The following PRKN variants were observed in gnomAD, a reference collection of about 807,000 sequenced individuals.
PRKN encodes E3 ubiquitin-protein ligase parkin.
A neutral mutation model predicts 59.5 loss-of-function variants in PRKN; 56 were observed. The observed-to-expected ratio is 0.94, with a 90% CI of 0.76 to 1.18. PRKN has a LOEUF of 1.18. Among genes scored for constraint, PRKN ranks in the 50% most tolerant of loss-of-function variants. PRKN has a pLI of 0.00. For missense variants in PRKN, 657 were observed against 596.4 expected, an observed-to-expected ratio of 1.10 and a Z score of -1.06; for synonymous variants, 250 against 222.1, an observed-to-expected ratio of 1.13 and a Z score of -1.12.
chr6:162,403,658 C>T (rs547242583), intron 2 of PRKN, among the ~76,000 whole-genome samples: 2 of 152,192 alleles, frequency 1.3e-5, no homozygotes, highest in East Asian at 1.9e-4. Flanking sequence ...GAATCATCAC[C>T]GTATTCCTGG....
At chr6:162,353,456 A>C (rs1437988629) in intron 2 of PRKN, among the ~76,000 whole-genome samples, 3 of 152,154 alleles carry the variant, frequency 2.0e-5, no homozygotes, top group Non-Finnish European at 4.4e-5. Flanking sequence ...ACATAAAATA[A>C]ATGTTAAATG....
At chr6:162,127,216 C>T (rs536038942) in intron 4 of PRKN, among the ~76,000 whole-genome samples, 6 of 152,316 alleles carry the variant, frequency 3.9e-5, no homozygotes, top group South Asian at 2.1e-4. Context: ...AGGCAAGGCA[C>T]GCTGCCGCTG....
At chr6:162,595,745 C>A (rs554394615) in intron 1 of PRKN, among the ~76,000 whole-genome samples, 3 of 152,148 alleles carry the variant, frequency 2.0e-5, no homozygotes, top group Non-Finnish European at 4.4e-5. Flanking sequence ...TAAGGTTGAA[C>A]ATGTGTTCCT....
intron 4 of PRKN, among the ~76,000 whole-genome samples, chr6:162,070,735 C>T (rs548210798): frequency 6.6e-6 from 1 of 152,272 alleles, no homozygotes; most frequent in East Asian, 1.9e-4. Context: ...CTAGATCCCC[C>T]ACATGCACAG....
intron 4 of PRKN, among the ~76,000 whole-genome samples, chr6:162,088,911 C>T (rs965420030): frequency 7.2e-5 from 11 of 152,050 alleles, no homozygotes; most frequent in African/African-American, 2.7e-4. Flanking sequence ...AAAATTAAGT[C>T]AAAATGGATA....
intron 3 of PRKN, among the ~76,000 whole-genome samples, chr6:162,250,184 TA>T (rs2128095486): frequency 2.1e-5 from 3 of 141,902 alleles, no homozygotes; most frequent in African/African-American, 8.0e-5. Flanking sequence ...TGATTATTTA[TA>T]AGGGGGGGGG....
chr6:161,879,164 GA>G (rs1446573604), intron 6 of PRKN, among the ~76,000 whole-genome samples: 8 of 152,122 alleles, frequency 5.3e-5, no homozygotes, highest in African/African-American at 1.9e-4. Flanking sequence ...ACTGAGCTAG[GA>G]AGCTATGAGA....
chr6:162,377,377 G>A (rs1786171399), intron 2 of PRKN, among the ~76,000 whole-genome samples: 2 of 152,128 alleles, frequency 1.3e-5, no homozygotes, highest in Admixed American at 6.5e-5. Context: ...GTGACACCAC[G>A]CTCGGTGACA....
chr6:162,727,317 G>C (rs866480179), intron 1 of PRKN: 7 of 371,162 alleles, frequency 1.9e-5, no homozygotes, highest in African/African-American at 1.1e-4. Flanking sequence ...CGGGGCGAAG[G>C]TGAGGGGCGG....
chr6:162,054,774 G>A (rs1172775942), intron 4 of PRKN, among the ~76,000 whole-genome samples: 1 of 152,204 alleles, frequency 6.6e-6, no homozygotes, highest in Non-Finnish European at 1.5e-5. Context: ...CATTTAAAAT[G>A]AAATATCAGT....
intron 2 of PRKN, among the ~76,000 whole-genome samples, chr6:162,359,938 T>G (rs1412676800): frequency 1.3e-5 from 2 of 152,222 alleles, no homozygotes; most frequent in Admixed American, 1.3e-4. Flanking sequence ...AATTGGCTTA[T>G]ATTATTGTTT....
At chr6:162,068,008 C>T (rs542641461) in intron 4 of PRKN, among the ~76,000 whole-genome samples, 43 of 152,272 alleles carry the variant, frequency 2.8e-4, no homozygotes, top group Non-Finnish European at 5.1e-4. Flanking sequence ...AGGCCGATGT[C>T]GGACAGATGT....
intron 5 of PRKN, among the ~76,000 whole-genome samples, chr6:161,984,162 GA>G (rs1781349320): frequency 6.6e-6 from 1 of 152,088 alleles, no homozygotes; most frequent in Non-Finnish European, 1.5e-5. Context: ...TGCTCAGAAG[GA>G]AAAAGTGATG....
At chr6:162,393,027 G>A (rs778432455) in intron 2 of PRKN, among the ~76,000 whole-genome samples, 13 of 152,124 alleles carry the variant, frequency 8.5e-5, no homozygotes, top group African/African-American at 2.4e-4. Context: ...CAAGCTCTGC[G>A]CATCTCACAT....
intron 1 of PRKN, among the ~76,000 whole-genome samples, chr6:162,516,133 T>C (rs1280073179): frequency 2.0e-5 from 3 of 152,204 alleles, no homozygotes; most frequent in Non-Finnish European, 2.9e-5. Flanking sequence ...CTGATCCTTC[T>C]CTGATCCTTC....
At chr6:161,831,993 G>A (rs912164500) in intron 6 of PRKN, among the ~76,000 whole-genome samples, 4 of 152,202 alleles carry the variant, frequency 2.6e-5, no homozygotes, top group African/African-American at 9.6e-5. Flanking sequence ...TCCAGCAACT[G>A]TCTGGCTGTC....
At chr6:161,779,347 G>A (rs1350565087) in intron 7 of PRKN, among the ~76,000 whole-genome samples, 1 of 150,232 alleles carries the variant, frequency 6.7e-6, no homozygotes, top group Non-Finnish European at 1.5e-5. Context: ...TCTTGTTCCT[G>A]ATAATCTACC....
At chr6:162,293,131 G>A (rs561364000) in intron 2 of PRKN, among the ~76,000 whole-genome samples, 1 of 152,304 alleles carries the variant, frequency 6.6e-6, no homozygotes, top group East Asian at 1.9e-4. Context: ...TAAAGGGAAG[G>A]AAAAGAAAAT....
intron 2 of PRKN, among the ~76,000 whole-genome samples, chr6:162,345,211 CAT>C (rs752135506): frequency 6.6e-6 from 1 of 152,182 alleles, no homozygotes; most frequent in Admixed American, 6.5e-5. Flanking sequence ...ACTGAGAAAA[CAT>C]AGATAAATCA....
Sources: gnomAD v4.1 joint callset for allele counts (sites outside exome capture counted in the v4.1 genomes callset) on GRCh38, gnomAD v4.1.1 for gene constraint, MANE v1.5 for transcripts, NCBI Gene and HGNC (gene_info 2026-07-23, HGNC 2026-07-21) for gene names.